The following URI1 variants were observed in gnomAD, a reference collection of about 807,000 sequenced individuals.
URI1 encodes the protein unconventional prefoldin RPB5 interactor 1.
In URI1, 39 loss-of-function variants were observed where a neutral mutation model predicts 60.2. The observed-to-expected ratio is 0.65, with a 90% confidence interval of 0.50 to 0.85. The LOEUF (loss-of-function observed/expected upper bound fraction) is 0.85. Ranked by LOEUF, URI1 falls within the 40% of genes least tolerant of loss-of-function variation. URI1 has a pLI of 0.00. For synonymous variants in URI1, 251 were observed against 236.8 expected (o/e 1.06, Z -0.55); for missense variants, 691 against 665.9 (o/e 1.04, Z -0.42).
chr19:29,945,798 C>T (rs1175046988), intron 1 of URI1, among the ~76,000 whole-genome samples: 2 of 151,838 alleles, frequency 1.3e-5, no homozygotes, highest in Non-Finnish European at 2.9e-5. Flanking sequence ...CATAGGAAAA[C>T]ACCATTGTTT....
At chr19:29,987,106 A>G (rs1461464792) in intron 4 of URI1, among the ~76,000 whole-genome samples, 1 of 152,200 alleles carries the variant, frequency 6.6e-6, no homozygotes, top group Non-Finnish European at 1.5e-5. Context: ...TAGCTTAGTT[A>G]TATTTTAAAA....
intron 2 of URI1, among the ~76,000 whole-genome samples, chr19:29,982,184 ATCT>A (rs1254087564): frequency 2.0e-5 from 3 of 152,200 alleles, no homozygotes; most frequent in Non-Finnish European, 2.9e-5. Context: ...ATTTTAAGTG[ATCT>A]TCTACTTTTG....
At chr19:29,953,602 G>A (rs2055206411) in intron 1 of URI1, among the ~76,000 whole-genome samples, 1 of 152,110 alleles carries the variant, frequency 6.6e-6, no homozygotes, top group African/African-American at 2.4e-5. Context: ...AGGCAATGCA[G>A]TAGACAATGG....
intron 5 of URI1, 25 bp from the exon 6 acceptor site, chr19:30,005,626 C>T (rs528927048): frequency 5.8e-5 from 93 of 1,603,040 alleles, no homozygotes; most frequent in African/African-American, 2.3e-4. Flanking sequence ...GTTGTTAATA[C>T]GCTTTTTTTT....
At chr19:30,011,384 C>T (rs1413755575) in intron 9 of URI1, 148 bp downstream of exon 9, 16 of 1,045,156 alleles carry the variant, frequency 1.5e-5, no homozygotes, top group Middle Eastern at 2.3e-4. Flanking sequence ...ATCTGATAGG[C>T]TGACCGGCTG....
intron 4 of URI1, among the ~76,000 whole-genome samples, chr19:29,997,237 A>G (rs1257446259): frequency 1.3e-5 from 2 of 152,156 alleles, no homozygotes; most frequent in African/African-American, 2.4e-5. Context: ...CTGATTCAAT[A>G]TGCTACTTGT....
intron 10 of URI1, among the ~76,000 whole-genome samples, chr19:30,013,801 C>T (rs866328479): frequency 2.6e-5 from 4 of 152,018 alleles, no homozygotes; most frequent in African/African-American, 4.8e-5. Flanking sequence ...CTATGCTCAT[C>T]GTGATAAAGT....
intron 1 of URI1, among the ~76,000 whole-genome samples, chr19:29,942,953 C>G (rs776091266): frequency 1.3e-5 from 2 of 152,238 alleles, no homozygotes; most frequent in African/African-American, 2.4e-5. Flanking sequence ...TCAACGGAAG[C>G]GTTCGCCTTA....
chr19:30,001,855 T>TA (rs1026254818), intron 4 of URI1, among the ~76,000 whole-genome samples: 5 of 152,012 alleles, frequency 3.3e-5, no homozygotes, highest in Non-Finnish European at 5.9e-5. Context: ...TCTTAGTTGT[T>TA]ACTTTACCTA....
At chr19:29,971,688 A>G (rs1336973851) in intron 2 of URI1, among the ~76,000 whole-genome samples, 1 of 149,156 alleles carries the variant, frequency 6.7e-6, no homozygotes, top group Non-Finnish European at 1.5e-5. Context: ...TATTGACTGT[A>G]CTTTTTTTTT....
At chr19:29,985,770 C>T (rs2055660696) in intron 3 of URI1, among the ~76,000 whole-genome samples, 1 of 152,130 alleles carries the variant, frequency 6.6e-6, no homozygotes, top group African/African-American at 2.4e-5. Context: ...CCTTTCATTG[C>T]ATGAATGTTC....
chr19:30,009,014 T>C lies in URI1; in HGVS notation c.696T>C (p.Asp232=), dbSNP rs140230025. ...ELLGELDSKP[D]TVIANGEDTT... is the part of the protein sequence containing the mutation. ...TTTTCTTCCTTGCTAGTAAGCCTGA[T>C]ACTGTGATTGCAAATGGAGAAGATA... Residue 232 remains aspartate (D), a synonymous_variant, in exon 8 of 11, where the codon GAT becomes GAC. Transcript: ENST00000392271. 1.2e-4 allele frequency: 194 copies of C among 1,608,832 alleles called. 1 individual carries two copies. In the East Asian group the frequency reaches 4.3e-3, roughly 36 times the overall value.
intron 1 of URI1, among the ~76,000 whole-genome samples, chr19:29,964,452 G>GTTTTT (rs1380907956): frequency 2.9e-5 from 4 of 137,260 alleles, no homozygotes; most frequent in African/African-American, 1.1e-4. Context: ...TTTTGTTTTT[G>GTTTTT]TTTTTTGTTT....
intron 1 of URI1, among the ~76,000 whole-genome samples, chr19:29,951,894 C>T (rs2055185030): frequency 6.6e-6 from 1 of 152,268 alleles, no homozygotes; most frequent in Admixed American, 6.5e-5. Context: ...CTTTCTGGCA[C>T]AGGATGTTCC....
At position 29,953,644 on chromosome 19, in the gene URI1, CCTT is replaced by C. The variant is rs2055206839; in HGVS notation, c.117+10983_117+10985del. On this transcript the variant is annotated intron_variant, in intron 1 of 10. Transcript: ENST00000392271. ...GATATTTTGCTGTTGATTGCATTATCCTTCTGAGTGATTCCATAATTCTTCCAT... is the reference window on the plus strand; with the variant it reads ...GATATTTTGCTGTTGATTGCATTATCCTGAGTGATTCCATAATTCTTCCAT... Among the ~76,000 whole-genome samples, 7 of 151,712 alleles carry C rather than the reference CCTT, an allele frequency of 4.6e-5. 1 individual carries two copies. The South Asian group carries it at 1.5e-3, about 32-fold the overall frequency.
chr19:29,953,555 A>G (rs2055205624), intron 1 of URI1, among the ~76,000 whole-genome samples: 1 of 152,216 alleles, frequency 6.6e-6, no homozygotes, highest in Non-Finnish European at 1.5e-5. Context: ...GGTGTCTGTT[A>G]TCATTTATAC....
chr19:30,005,499 A>G (rs2055930591), intron 5 of URI1, 47 bp downstream of exon 5: 1 of 1,502,192 alleles, frequency 6.7e-7, no homozygotes, highest in Non-Finnish European at 9.0e-7. Context: ...AATATTTTCA[A>G]AGAAATATGA....
chr19:29,996,850 A>T (rs994053919), intron 4 of URI1, among the ~76,000 whole-genome samples: 1 of 150,784 alleles, frequency 6.6e-6, no homozygotes, highest in South Asian at 2.1e-4. Flanking sequence ...GCTTTTTTGG[A>T]TTCAATCGAG....
At chr19:30,005,551 A>T in intron 5 of URI1, 99 bp downstream of exon 5, 1 of 1,501,032 alleles carries the variant, frequency 6.7e-7, no homozygotes, top group Non-Finnish European at 9.0e-7. Flanking sequence ...GAAGTTTAAA[A>T]TGCTTTCAGA....
Sources: gnomAD v4.1 joint callset for allele counts (sites outside exome capture counted in the v4.1 genomes callset) on GRCh38, gnomAD v4.1.1 for gene constraint, MANE v1.5 for transcripts, NCBI Gene and HGNC (gene_info 2026-07-23, HGNC 2026-07-21) for gene names.